The following HS6ST3 variants were observed in gnomAD, a reference collection of about 807,000 sequenced individuals.
The protein encoded by HS6ST3 is heparan sulfate 6-O-sulfotransferase 3, also known as heparan-sulfate 6-O-sulfotransferase 3.
In HS6ST3, 12 loss-of-function variants were observed where a neutral mutation model predicts 36.7. The observed-to-expected ratio is 0.33, with a 90% confidence interval of 0.21 to 0.53. The LOEUF is 0.53. HS6ST3 is among the 20% of genes least tolerant of loss of function. HS6ST3 has a pLI of 0.95. For missense variants in HS6ST3, 584 were observed against 640.9 expected, an observed-to-expected ratio of 0.91 and a Z score of 0.96; for synonymous variants, 240 against 257.5, an observed-to-expected ratio of 0.93 and a Z score of 0.65.
intron 1 of HS6ST3, among the ~76,000 whole-genome samples, chr13:96,685,645 G>A (rs887083551): frequency 4.6e-5 from 7 of 152,002 alleles, no homozygotes; most frequent in African/African-American, 7.2e-5. Context: ...TCCACCCGTC[G>A]GAGAGCATAC....
intron 1 of HS6ST3, among the ~76,000 whole-genome samples, chr13:96,279,851 G>C (rs535231789): frequency 1.3e-5 from 2 of 152,142 alleles, no homozygotes; most frequent in South Asian, 4.2e-4. Flanking sequence ...GGTGTTCAGA[G>C]GTTTCTTCTC....
At chr13:96,380,659 A>T (rs1218548434) in intron 1 of HS6ST3, among the ~76,000 whole-genome samples, 1 of 152,220 alleles carries the variant, frequency 6.6e-6, no homozygotes, top group Non-Finnish European at 1.5e-5. Flanking sequence ...TTTTCCAAAC[A>T]TATATCAAAA....
chr13:96,217,331 A>T (rs1008680581), intron 1 of HS6ST3, among the ~76,000 whole-genome samples: 5 of 152,208 alleles, frequency 3.3e-5, no homozygotes, highest in Non-Finnish European at 7.3e-5. Context: ...ACTGAATCTT[A>T]GAGATTTAAA....
chr13:96,748,859 G>A (rs964153734), intron 1 of HS6ST3, among the ~76,000 whole-genome samples: 1 of 151,966 alleles, frequency 6.6e-6, no homozygotes, highest in Admixed American at 6.6e-5. Flanking sequence ...GCTCTGTATC[G>A]GTACAAATTC....
At chr13:96,791,467 G>A (rs1877792299) in intron 1 of HS6ST3, among the ~76,000 whole-genome samples, 1 of 151,876 alleles carries the variant, frequency 6.6e-6, no homozygotes, top group South Asian at 2.1e-4. Context: ...TGTAGCCTCA[G>A]AATCCTCCTA....
chr13:96,125,025 A>G (rs1386523388), intron 1 of HS6ST3, among the ~76,000 whole-genome samples: 3 of 152,096 alleles, frequency 2.0e-5, no homozygotes, highest in African/African-American at 7.2e-5. Flanking sequence ...TAGATGTTGA[A>G]ATTTAGTGTG....
intron 1 of HS6ST3, among the ~76,000 whole-genome samples, chr13:96,441,410 C>T (rs2055670720): frequency 6.6e-6 from 1 of 152,002 alleles, no homozygotes; most frequent in South Asian, 2.1e-4. Flanking sequence ...AATGACGGCT[C>T]CTCACTGGCT....
intron 1 of HS6ST3, among the ~76,000 whole-genome samples, chr13:96,268,878 A>G (rs2054705661): frequency 6.6e-6 from 1 of 151,922 alleles, no homozygotes; most frequent in Non-Finnish European, 1.5e-5. Context: ...ACATTCCTTC[A>G]AATCTGGGAG....
In HS6ST3 at chr13:96,267,706, A is replaced by G. The variant is rs534026906; in HGVS notation, c.707+176137A>G. 2.6e-5 allele frequency among the ~76,000 whole-genome samples: 4 copies of G among 152,150 alleles called. No homozygotes were observed. In the South Asian group the frequency reaches 6.2e-4, roughly 24 times the overall value. On this transcript the variant is annotated intron_variant, in intron 1 of 1. Coordinates refer to ENST00000376705, the MANE Select transcript of HS6ST3 (RefSeq NM_153456.4). ...GTCTGAGGCTGATTTTATAAGTGCTATATTATAACATTAGCAAGATGGTTC... is the reference window on the plus strand; with the variant it reads ...GTCTGAGGCTGATTTTATAAGTGCTGTATTATAACATTAGCAAGATGGTTC...
chr13:96,580,543 C>G (rs978565010), intron 1 of HS6ST3, among the ~76,000 whole-genome samples: 1 of 152,016 alleles, frequency 6.6e-6, no homozygotes, highest in African/African-American at 2.4e-5. Flanking sequence ...CCGTGAGTGA[C>G]TTTCTTACTA....
intron 1 of HS6ST3, among the ~76,000 whole-genome samples, chr13:96,778,305 A>G (rs1877441997): frequency 6.6e-6 from 1 of 152,238 alleles, no homozygotes; most frequent in South Asian, 2.1e-4. Context: ...AATGGCAACA[A>G]AAGCCAAAAT....
At chr13:96,336,114 A>G (rs2055099608) in intron 1 of HS6ST3, among the ~76,000 whole-genome samples, 1 of 152,172 alleles carries the variant, frequency 6.6e-6, no homozygotes, top group Non-Finnish European at 1.5e-5. Context: ...TCACATTTTC[A>G]TATTTTTTGT....
chr13:96,132,167 CACACAG>C (rs1381541433), intron 1 of HS6ST3, among the ~76,000 whole-genome samples: 7 of 125,466 alleles, frequency 5.6e-5, no homozygotes, highest in South Asian at 2.6e-4. Context: ...CACACACACA[CACACAG>C]AGCGCATTTT....
intron 1 of HS6ST3, among the ~76,000 whole-genome samples, chr13:96,649,050 A>G (rs2056598774): frequency 6.6e-6 from 1 of 151,982 alleles, no homozygotes; most frequent in African/African-American, 2.4e-5. Flanking sequence ...TCAAAATGTG[A>G]TGATCTGGAC....
chr13:96,557,586 A>G (rs1025333890), intron 1 of HS6ST3, among the ~76,000 whole-genome samples: 15 of 152,286 alleles, frequency 9.8e-5, no homozygotes, highest in Admixed American at 8.5e-4. Context: ...TCCTTCAACA[A>G]TCTTTGCAAG....
At chr13:96,422,184 C>T (rs1164060507) in intron 1 of HS6ST3, among the ~76,000 whole-genome samples, 1 of 152,220 alleles carries the variant, frequency 6.6e-6, no homozygotes, top group African/African-American at 2.4e-5. Context: ...CCTGGCCAGA[C>T]TGCTTAGCAC....
At chr13:96,639,665 G>A (rs192663317) in intron 1 of HS6ST3, among the ~76,000 whole-genome samples, 1 of 151,938 alleles carries the variant, frequency 6.6e-6, no homozygotes, top group East Asian at 1.9e-4. Context: ...TGAATATAGT[G>A]CCCAATAGTT....
At chr13:96,747,171 A>T (rs1172079825) in intron 1 of HS6ST3, among the ~76,000 whole-genome samples, 1 of 152,102 alleles carries the variant, frequency 6.6e-6, no homozygotes. Context: ...TGTTGTTATG[A>T]TTAACAGTGG....
chr13:96,811,879 A>C (rs1878323169), intron 1 of HS6ST3, among the ~76,000 whole-genome samples: 1 of 152,214 alleles, frequency 6.6e-6, no homozygotes, highest in African/African-American at 2.4e-5. Context: ...GATTAGGAAG[A>C]ATATGCTTAG....
Sources: gnomAD v4.1 joint callset for allele counts (sites outside exome capture counted in the v4.1 genomes callset) on GRCh38, gnomAD v4.1.1 for gene constraint, MANE v1.5 for transcripts, NCBI Gene and HGNC (gene_info 2026-07-23, HGNC 2026-07-21) for gene names.